The following CSMD2 variants were observed in gnomAD, a reference collection of about 807,000 sequenced individuals.
CSMD2 encodes CUB and Sushi multiple domains 2, also known as CUB and sushi domain-containing protein 2.
In CSMD2, 130 loss-of-function variants were observed where a neutral mutation model predicts 398.5. The observed-to-expected ratio is 0.33, with a 90% CI of 0.28 to 0.38. The LOEUF is 0.38. CSMD2 is among the 10% of genes least tolerant of loss of function. The pLI is 1.00. For synonymous variants in CSMD2, 1,828 were observed against 1,908.5 expected (o/e 0.96, Z 1.10); for missense variants, 3,829 against 4,764.9 (o/e 0.80, Z 5.78).
At chr1:33,996,212 A>G (rs77653304) in intron 3 of CSMD2, among the ~76,000 whole-genome samples, 4 of 152,230 alleles carry the variant, frequency 2.6e-5, no homozygotes, top group Non-Finnish European at 4.4e-5. Context: ...ATATGCAATC[A>G]CCATGCCCTC....
chr1:33,774,697 A>C (rs1020573683), intron 12 of CSMD2, among the ~76,000 whole-genome samples: 6 of 152,290 alleles, frequency 3.9e-5, no homozygotes, highest in African/African-American at 1.4e-4. Flanking sequence ...CGTGGGGTAC[A>C]TGTGCCTGTG....
intron 4 of CSMD2, among the ~76,000 whole-genome samples, chr1:33,927,299 A>C (rs1305060574): frequency 2.0e-5 from 3 of 152,156 alleles, no homozygotes; most frequent in Admixed American, 6.5e-5. Context: ...TAAAATGAAG[A>C]AATGACCAAT....
chr1:34,142,562 G>T (rs1456106720), intron 1 of CSMD2, among the ~76,000 whole-genome samples: 1 of 152,186 alleles, frequency 6.6e-6, no homozygotes, highest in Non-Finnish European at 1.5e-5. Context: ...GTGGCAGGGG[G>T]TGATGGAAGA....
intron 1 of CSMD2, among the ~76,000 whole-genome samples, chr1:34,090,104 A>C (rs1658380892): frequency 6.6e-6 from 1 of 152,074 alleles, no homozygotes; most frequent in Non-Finnish European, 1.5e-5. Flanking sequence ...AGTGCCTCTG[A>C]CTGCTCTTGC....
chr1:33,976,614 C>T (rs1402404614), intron 3 of CSMD2, among the ~76,000 whole-genome samples: 2 of 152,126 alleles, frequency 1.3e-5, no homozygotes, highest in South Asian at 2.1e-4. Flanking sequence ...GGGCATGATG[C>T]GAGTGGTCCA....
At chr1:33,912,718 G>A (rs1643518673) in intron 5 of CSMD2, among the ~76,000 whole-genome samples, 1 of 152,204 alleles carries the variant, frequency 6.6e-6, no homozygotes, top group South Asian at 2.1e-4. Context: ...TACAGGGGCT[G>A]TGCCTGACTC....
At chr1:34,032,736 A>AT in intron 2 of CSMD2, 30 bp from the exon 3 acceptor site, 1 of 1,485,252 alleles carries the variant, frequency 6.7e-7, no homozygotes, top group South Asian at 1.2e-5. Flanking sequence ...ATTAGGGAGA[A>AT]TGACCCCCTT....
chr1:33,672,777 G>A lies in CSMD2; in HGVS notation c.4053-9685C>T, dbSNP rs573131095. 3.0e-4 allele frequency among the ~76,000 whole-genome samples: 45 copies of A among 152,268 alleles called. No individual in the cohort carries two copies. In the South Asian group the frequency reaches 4.6e-3, roughly 15 times the overall value. On this transcript the variant is annotated intron_variant, in intron 25 of 70. Transcript: ENST00000373381. ...TCTGAGATAAAACTTCCAGAGGAACGATCAGGCAGCAGCATTTGCAGTTCA... is the reference window on the plus strand; with the variant it reads ...TCTGAGATAAAACTTCCAGAGGAACAATCAGGCAGCAGCATTTGCAGTTCA...
chr1:33,914,442 A>C (rs899736872), intron 5 of CSMD2, among the ~76,000 whole-genome samples: 1 of 151,774 alleles, frequency 6.6e-6, no homozygotes, highest in Non-Finnish European at 1.5e-5. Flanking sequence ...GGCTGCACAC[A>C]TGTATGTGTA....
chr1:33,997,725 A>G (rs1320993362), intron 3 of CSMD2, among the ~76,000 whole-genome samples: 1 of 152,182 alleles, frequency 6.6e-6, no homozygotes, highest in Non-Finnish European at 1.5e-5. Context: ...AAAGAGAGAA[A>G]GAGAGAGTTG....
rs143715572 is a variant in CSMD2, at chr1:33,742,577, G to GC, written c.2173+702dup. 2.8e-3 allele frequency among the ~76,000 whole-genome samples: 270 copies of GC among 94,924 alleles called. 4 individuals are homozygous for GC. The highest frequency in any genetic ancestry group is 5.7e-3 in the African/African-American group (111 of 19,508). The allele number at this position is 94,924 out of a possible 152,430, so 62.3% of individuals were successfully genotyped here. A position where few individuals can be genotyped will look rare whatever the true frequency, so the allele number is the denominator to read the frequency against. Reference sequence around the variant, plus strand: ...TGCTATTTCTAGTCACCAAGCTTCTGCCCCCCCCCCCCCAACCCCCTCTGT... The same window carrying GC: ...TGCTATTTCTAGTCACCAAGCTTCTGCCCCCCCCCCCCCCAACCCCCTCTGT... On this transcript the variant is annotated intron_variant, in intron 14 of 70. Transcript: ENST00000373381.
intron 5 of CSMD2, among the ~76,000 whole-genome samples, chr1:33,865,459 G>C (rs919525637): frequency 1.3e-5 from 2 of 151,006 alleles, no homozygotes; most frequent in Non-Finnish European, 2.9e-5. Flanking sequence ...TCAGTGGATA[G>C]ATGTATAATA....
chr1:33,527,051 G>T, intron 65 of CSMD2, 145 bp downstream of exon 65: 2 of 761,412 alleles, frequency 2.6e-6, no homozygotes, highest in Non-Finnish European at 4.7e-6. Flanking sequence ...TGGGGAGGTG[G>T]GTAGGGAAAG....
rs143016588 is a variant in CSMD2 at position 34,118,513 on chromosome 1, G to A, written c.188-29320C>T. ...GTGGAAAACCCTAAGGATTCCACACGTACATACAAAACTGTTAGAACTAAT... is the reference window on the plus strand; with the variant it reads ...GTGGAAAACCCTAAGGATTCCACACATACATACAAAACTGTTAGAACTAAT... On this transcript the variant is annotated intron_variant, in intron 1 of 70. Transcript: ENST00000373381. Among the ~76,000 whole-genome samples, 90 of 152,302 alleles carry A rather than the reference G, an allele frequency of 5.9e-4. 1 individual carries two copies. Among genetic ancestry groups the A allele is most frequent in the Non-Finnish European group, 1.1e-3 (75 of 68,030 alleles).
At chr1:33,689,410 G>A (rs1178362136) in intron 25 of CSMD2, among the ~76,000 whole-genome samples, 1 of 152,050 alleles carries the variant, frequency 6.6e-6, no homozygotes, top group Non-Finnish European at 1.5e-5. Flanking sequence ...TTCCCATTTT[G>A]GGATCCTCAG....
chr1:33,585,810 C>T (rs765104350), intron 46 of CSMD2, among the ~76,000 whole-genome samples: 11 of 152,190 alleles, frequency 7.2e-5, no homozygotes, highest in Non-Finnish European at 1.2e-4. Context: ...AAACAGTAGT[C>T]GCACTAATGA....
chr1:33,831,687 A>G (rs908565276), intron 6 of CSMD2, among the ~76,000 whole-genome samples: 2 of 152,198 alleles, frequency 1.3e-5, no homozygotes, highest in Non-Finnish European at 2.9e-5. Flanking sequence ...TAAATGGACT[A>G]AATGCTCCAA....
intron 28 of CSMD2, 125 bp from the exon 29 acceptor site, chr1:33,646,960 A>C: frequency 1.2e-6 from 1 of 849,278 alleles, no homozygotes; most frequent in Non-Finnish European, 1.8e-6. Flanking sequence ...CTGGTACCCA[A>C]CCCCTGAAGA....
At chr1:33,699,572 T>C (rs1258913066) in intron 23 of CSMD2, among the ~76,000 whole-genome samples, 1 of 152,218 alleles carries the variant, frequency 6.6e-6, no homozygotes, top group Non-Finnish European at 1.5e-5. Context: ...TCTAATCCTC[T>C]TCCACTGAAC....
Sources: gnomAD v4.1 joint callset for allele counts (sites outside exome capture counted in the v4.1 genomes callset) on GRCh38, gnomAD v4.1.1 for gene constraint, MANE v1.5 for transcripts, NCBI Gene and HGNC (gene_info 2026-07-23, HGNC 2026-07-21) for gene names.